MUSK: variants seen among roughly 807,000 people sequenced by gnomAD.
MUSK encodes the protein muscle, skeletal receptor tyrosine-protein kinase.
Under a neutral mutation model 88.7 loss-of-function variants are expected in MUSK, and 55 were observed. The ratio of observed to expected loss-of-function variants is 0.62; its 90% CI spans 0.50 to 0.78. The LOEUF (loss-of-function observed/expected upper bound fraction) is 0.78, where lower values mean the gene tolerates loss of function less well. Ranked by LOEUF, MUSK falls within the 30% of genes least tolerant of loss-of-function variation. MUSK has a pLI of 0.00. For synonymous variants in MUSK, 387 were observed against 391.9 expected (o/e 0.99, Z 0.15); for missense variants, 1,015 against 1,074.3 (o/e 0.94, Z 0.77).
At chr9:110,780,519 T>C (rs1383856195) in intron 11 of MUSK, among the ~76,000 whole-genome samples, 1 of 152,246 alleles carries the variant, frequency 6.6e-6, no homozygotes, top group East Asian at 1.9e-4. Flanking sequence ...TCTCCTCATG[T>C]ATTTCCTTAG....
intron 1 of MUSK, among the ~76,000 whole-genome samples, chr9:110,681,526 T>C (rs893539653): frequency 6.6e-6 from 1 of 151,912 alleles, no homozygotes; most frequent in African/African-American, 2.4e-5. Context: ...ATTATAAGAA[T>C]GACATTTCAG....
At chr9:110,767,212 G>A (rs1249566255) in intron 8 of MUSK, among the ~76,000 whole-genome samples, 3 of 152,168 alleles carry the variant, frequency 2.0e-5, no homozygotes, top group Non-Finnish European at 2.9e-5. Context: ...AGCTGAAGGT[G>A]CTACTTGGCT....
At chr9:110,749,665 G>T (rs1202579786) in intron 7 of MUSK, among the ~76,000 whole-genome samples, 1 of 152,182 alleles carries the variant, frequency 6.6e-6, no homozygotes, top group Non-Finnish European at 1.5e-5. Context: ...AAGCTGTCAG[G>T]AGGCTCTTCC....
chr9:110,791,242 C>T (rs2077970366), intron 14 of MUSK, among the ~76,000 whole-genome samples: 1 of 144,976 alleles, frequency 6.9e-6, no homozygotes, highest in African/African-American at 2.6e-5. Flanking sequence ...GGGCGCAGGC[C>T]AGTGTGTGTG....
chr9:110,785,186 T>C (rs914040887), intron 12 of MUSK, among the ~76,000 whole-genome samples, 170 bp downstream of exon 12: 5 of 152,144 alleles, frequency 3.3e-5, no homozygotes, highest in African/African-American at 1.2e-4. Context: ...TGTCAATGAC[T>C]TTTTGGCATG....
chr9:110,775,865 T>C lies in MUSK; in HGVS notation c.1262T>C (p.Leu421Pro). Residue 421 changes from leucine to proline, a missense_variant, in exon 10 of 15, where the codon CTC becomes CCC. By Grantham distance (98) the Leu-to-Pro change is moderately conservative. Transcript: ENST00000374448. ...LVMEEKTHRG[L>P]YRSEMHLLSV... ...ATGGAAGAGAAGACCCACAGAGGACTCTACAGATCCGAGATGCATTTGCTG... is the reference window on the plus strand; with the variant it reads ...ATGGAAGAGAAGACCCACAGAGGACCCTACAGATCCGAGATGCATTTGCTG... 6.2e-7 allele frequency: 1 copy of C among 1,613,956 alleles called. No homozygotes were observed. Among genetic ancestry groups the C allele is most frequent in the Non-Finnish European group, 8.5e-7 (1 of 1,179,858 alleles).
chr9:110,683,887 G>T (rs879281385), intron 2 of MUSK, among the ~76,000 whole-genome samples: 8 of 151,958 alleles, frequency 5.3e-5, no homozygotes, highest in Admixed American at 5.2e-4. Context: ...TTAATCCTTT[G>T]TCAGATGGGT....
At chr9:110,705,190 G>C (rs994192648) in intron 5 of MUSK, among the ~76,000 whole-genome samples, 2 of 152,098 alleles carry the variant, frequency 1.3e-5, no homozygotes, top group African/African-American at 4.8e-5. Context: ...CTGTTCATTA[G>C]TTTGATATTT....
chr9:110,805,046 A>G lies in MUSK; in HGVS notation c.*4058A>G, dbSNP rs2078145559. Among the ~76,000 whole-genome samples, 1 of 151,976 alleles carries G rather than the reference A, an allele frequency of 6.6e-6. No homozygotes were observed. The highest frequency in any genetic ancestry group is 1.5e-5 in the Non-Finnish European group (1 of 67,824). On this transcript the variant is annotated 3_prime_UTR_variant, in exon 15 of 15. Coordinates refer to ENST00000374448, the MANE Select transcript of MUSK (RefSeq NM_005592.4). ...GCAACATTAATTTTGATGGTTGAAT[A>G]GTATTATACAGATTTATCGTAATTG...
intron 5 of MUSK, among the ~76,000 whole-genome samples, chr9:110,723,129 C>T (rs1017172972): frequency 1.8e-4 from 28 of 151,712 alleles, no homozygotes; most frequent in African/African-American, 6.5e-4. Flanking sequence ...TAGAACCAGC[C>T]CAAATGCTCA....
intron 5 of MUSK, among the ~76,000 whole-genome samples, chr9:110,700,998 T>A: frequency 6.6e-6 from 1 of 152,228 alleles, no homozygotes; most frequent in East Asian, 1.9e-4. Context: ...ATAAATCAGT[T>A]CATAAGTATG....
At chr9:110,736,323 C>A (rs1279236774) in intron 6 of MUSK, among the ~76,000 whole-genome samples, 1 of 151,896 alleles carries the variant, frequency 6.6e-6, no homozygotes, top group Non-Finnish European at 1.5e-5. Context: ...AAAGTTAGAC[C>A]TCAGGAGGAA....
intron 6 of MUSK, among the ~76,000 whole-genome samples, chr9:110,736,183 T>G (rs1470535732): frequency 6.6e-6 from 1 of 152,150 alleles, no homozygotes; most frequent in Non-Finnish European, 1.5e-5. Context: ...ACTTAGGTGA[T>G]GGATATCCCA....
intron 3 of MUSK, among the ~76,000 whole-genome samples, chr9:110,689,718 T>TAGTTATATATAAAAATATAACTATATATA (rs370720549): frequency 1.9e-5 from 1 of 51,662 alleles, no homozygotes; most frequent in Non-Finnish European, 2.9e-5. Flanking sequence ...TAACTATATA[T>TAGTTATATATAAAAATATAACTATATATA]GTTATATATA....
At chr9:110,731,705 T>G (rs773296282) in intron 5 of MUSK, among the ~76,000 whole-genome samples, 3 of 152,070 alleles carry the variant, frequency 2.0e-5, no homozygotes, top group Non-Finnish European at 4.4e-5. Flanking sequence ...GCAGTACTCC[T>G]GTACCTGCCT....
At chr9:110,673,718 T>C (rs2075989912) in intron 1 of MUSK, among the ~76,000 whole-genome samples, 1 of 152,228 alleles carries the variant, frequency 6.6e-6, no homozygotes. Context: ...GTCTATTACC[T>C]CTGCCACTTC....
At chr9:110,673,467 T>C (rs1046566247) in intron 1 of MUSK, among the ~76,000 whole-genome samples, 1 of 152,192 alleles carries the variant, frequency 6.6e-6, no homozygotes, top group Non-Finnish European at 1.5e-5. Flanking sequence ...CATACCAGAT[T>C]CTTAATCACT....
At chr9:110,723,829 C>T (rs2076848781) in intron 5 of MUSK, among the ~76,000 whole-genome samples, 1 of 152,044 alleles carries the variant, frequency 6.6e-6, no homozygotes, top group South Asian at 2.1e-4. Flanking sequence ...TCATGTATTG[C>T]TTCAAGCCTA....
At chr9:110,800,267 T>A (rs1431486306) in intron 14 of MUSK, 39 bp from the exon 15 acceptor site, 44 of 1,549,384 alleles carry the variant, frequency 2.8e-5, no homozygotes, top group Non-Finnish European at 3.8e-5. Flanking sequence ...TGTTTCATTG[T>A]AGAAACTGAG....
Sources: allele counts gnomAD v4.1 joint callset (sites outside exome capture counted in the v4.1 genomes callset), GRCh38; gene constraint gnomAD v4.1.1; transcripts MANE v1.5; gene names NCBI Gene and HGNC (gene_info 2026-07-23, HGNC 2026-07-21).